CNOT3: variants seen among roughly 807,000 people sequenced by gnomAD.
CNOT3 encodes CCR4-associated factor 3.
Under a neutral mutation model 89.4 loss-of-function variants are expected in CNOT3, and 2 were observed. That is an observed-to-expected ratio of 0.02 (90% CI 0.01 to 0.07). CNOT3 has a LOEUF of 0.07. Ranked by LOEUF, CNOT3 falls within the 10% of genes least tolerant of loss-of-function variation. CNOT3 has a pLI of 1.00. For missense variants in CNOT3, 664 were observed against 1,010.2 expected (o/e 0.66, Z 4.65); for synonymous variants, 486 against 402.0 (o/e 1.21, Z -2.50).
At chr19:54,153,527 TCA>T (rs2075258287) in intron 16 of CNOT3, 186 bp from the exon 17 acceptor site, 2 of 778,730 alleles carry the variant, frequency 2.6e-6, no homozygotes, top group African/African-American at 3.4e-5. Flanking sequence ...ACCTCCTGTC[TCA>T]TTTTCCTTCT....
chr19:54,151,115 G>A (rs1282388747), intron 13 of CNOT3, among the ~76,000 whole-genome samples: 2 of 152,128 alleles, frequency 1.3e-5, no homozygotes, highest in African/African-American at 4.8e-5. Flanking sequence ...AGGTGGACAG[G>A]ATATTTATAG....
chr19:54,152,127 C>T (rs587722740), intron 13 of CNOT3, 99 bp from the exon 14 acceptor site: 3 of 1,303,670 alleles, frequency 2.3e-6, no homozygotes, highest in Admixed American at 3.8e-5. Flanking sequence ...CCCTCCACGG[C>T]CCCCAAACAG....
intron 12 of CNOT3, 108 bp from the exon 13 acceptor site, chr19:54,149,452 A>G: frequency 1.6e-6 from 1 of 617,860 alleles, no homozygotes; most frequent in South Asian, 2.6e-5. Context: ...TGCCCCTCTC[A>G]GATCCCATCT....
At position 54,144,377 on chromosome 19, in the gene CNOT3, G is replaced by C; in HGVS notation, c.483+45G>C. 7.0e-7 allele frequency: 1 copy of C among 1,435,364 alleles called. No individual in the cohort carries two copies. The highest frequency in any genetic ancestry group is 1.2e-5 in the South Asian group (1 of 86,870). 88.9% of individuals were successfully genotyped at this position (1,435,364 alleles called of 1,614,324 possible). ...CACCTTTGGGATGGGGATGGGCATG[G>C]GAATGGGCTGGCCAGCAGGAGGCCA... On this transcript the variant is annotated intron_variant, in intron 7 of 17. Transcript: ENST00000221232. The surrounding 1 kb of genome is among the most constrained non-coding windows in gnomAD (Gnocchi z 4.8).
In CNOT3 at chr19:54,153,172, G is replaced by A. The variant is rs1047575481; in HGVS notation, c.2037+173G>A. The A allele has an allele frequency of 5.4e-5, 41 of 764,448 alleles. 1 individual carries two copies. In the Middle Eastern group the frequency reaches 4.1e-3, roughly 76 times the overall value. The allele number at this position is 764,448 out of a possible 1,614,324, so 47.4% of individuals were successfully genotyped here. A position where few individuals can be genotyped will look rare whatever the true frequency, so the allele number is the denominator to read the frequency against. On this transcript the variant is annotated intron_variant, in intron 16 of 17. Transcript: ENST00000221232. ...CCCAAATCCACCTGTCCCCGTCCCC[G>A]CCTTCCAGCCCAGAGATGTTAGAAC...
chr19:54,149,017 A>G (rs149540038), intron 12 of CNOT3, among the ~76,000 whole-genome samples: 62 of 152,102 alleles, frequency 4.1e-4, no homozygotes, highest in Non-Finnish European at 7.2e-4. Flanking sequence ...TTTCCTCCCC[A>G]TTTCTGTTAC....
At position 54,148,185 on chromosome 19, in the gene CNOT3, A is replaced by G; in HGVS notation, c.932A>G (p.Asn311Ser). The G allele has an allele frequency of 6.4e-7, 1 of 1,566,918 alleles. No individual in the cohort carries two copies. The highest frequency in any genetic ancestry group is 1.2e-5 in the South Asian group (1 of 83,584). ...AKNGSKPVHS[N>S]QHPQSPAVPP... ...AACGGCTCCAAGCCTGTCCACAGCA[A>G]CCAGCACCCTCAGTCCCCAGCTGTG... is the stretch of plus-strand genomic sequence containing the variant. Residue 311 changes from asparagine to serine, a missense_variant, in exon 11 of 18, where the codon AAC becomes AGC. Physicochemically the swap from Asn to Ser is conservative, Grantham distance 46 (BLOSUM62 1). Transcript: ENST00000221232. This position sits in a 1 kb window ranked among gnomAD's most constrained non-coding sequence, Gnocchi z 6.3.
At chr19:54,150,375 G>C (rs1464893847) in intron 13 of CNOT3, among the ~76,000 whole-genome samples, 3 of 152,198 alleles carry the variant, frequency 2.0e-5, no homozygotes, top group African/African-American at 4.8e-5. Flanking sequence ...TGTGTGCTTA[G>C]GAAGCTGGGC....
chr19:54,140,838 G>C (rs1331239530), intron 1 of CNOT3, among the ~76,000 whole-genome samples: 1 of 152,182 alleles, frequency 6.6e-6, no homozygotes, highest in Admixed American at 6.5e-5. Context: ...TCTCCTGTCT[G>C]TGGGTATTCT....
In CNOT3 at chr19:54,145,507, G is replaced by A. The variant is rs1053882319; in HGVS notation, c.484-91G>A. 1.4e-5 allele frequency: 12 copies of A among 870,904 alleles called. No homozygotes were observed. The African/African-American group carries it at 2.0e-4, about 14-fold the overall frequency. 53.9% of individuals were successfully genotyped at this position (870,904 alleles called of 1,614,324 possible). A position where few individuals can be genotyped will look rare whatever the true frequency, so the allele number is the denominator to read the frequency against. ...GCGTGGAGGCTTTGGGTCTCCACAG[G>A]GGTCAGGGACTGAGGACAGGTTCTG... On this transcript the variant is annotated intron_variant, in intron 7 of 17. Coordinates refer to ENST00000221232, the MANE Select transcript of CNOT3 (RefSeq NM_014516.4). This position sits in a 1 kb window ranked among gnomAD's most constrained non-coding sequence, Gnocchi z 5.9.
Position 54,149,596 on chromosome 19 carries a change from G to T in CNOT3, c.1443G>T (p.Gly481=), listed in dbSNP as rs2074938321. 1 of 1,608,292 alleles carries T rather than the reference G, an allele frequency of 6.2e-7. No individual in the cohort carries two copies. The highest frequency in any genetic ancestry group is 1.3e-5 in the African/African-American group (1 of 74,894). ...GTGCGGCAGCCCCAACGGGGGCTGGGGGCGTGGCCCCAGGCTCAGGGAACA... is the reference window on the plus strand; with the variant it reads ...GTGCGGCAGCCCCAACGGGGGCTGGTGGCGTGGCCCCAGGCTCAGGGAACA... The part of the protein sequence containing the change: ...EPSAAAPTGA[G]GVAPGSGNNS... Residue 481 remains glycine, a synonymous_variant, in exon 13 of 18, where the codon GGG becomes GGT. Coordinates refer to ENST00000221232, the MANE Select transcript of CNOT3 (RefSeq NM_014516.4).
In CNOT3 at chr19:54,144,445, G is replaced by C. The variant is rs951443025; in HGVS notation, c.483+113G>C. 1 of 777,532 alleles carries C rather than the reference G, an allele frequency of 1.3e-6. No individual in the cohort carries two copies. The highest frequency in any genetic ancestry group is 2.2e-6 in the Non-Finnish European group (1 of 453,544). 48.2% of individuals were successfully genotyped at this position (777,532 alleles called of 1,614,324 possible). ...GAGTTGGGGCCTGGATTCCTCAGGCGGACAGGGCCAACAGCCGGGATTAGG... is the reference window on the plus strand; with the variant it reads ...GAGTTGGGGCCTGGATTCCTCAGGCCGACAGGGCCAACAGCCGGGATTAGG... On this transcript the variant is annotated intron_variant, in intron 7 of 17. Transcript: ENST00000221232. The surrounding 1 kb of genome is among the most constrained non-coding windows in gnomAD (Gnocchi z 4.8).
In CNOT3 at chr19:54,146,615, T is replaced by C; in HGVS notation, c.852T>C (p.Asp284=). 1 of 1,548,462 alleles carries C rather than the reference T, an allele frequency of 6.5e-7. No homozygotes were observed. ...PANCTTENSE[D]DKKRGRSTDS... ...CCCTACCTCAGGAAAACTCTGAAGA[T>C]GATAAGAAGAGGGGACGTTCCACAG... The change falls in exon 10 of 18, where the codon GAT becomes GAC. Residue 284 remains aspartate (D), a synonymous_variant. Transcript: ENST00000221232.
In CNOT3 at chr19:54,149,725, G is replaced by A. The variant is rs1415193829; in HGVS notation, c.1572G>A (p.Gly524=). ...AGGCAGCCGGTGCCCTGCTCAATGGGCCTCCACAGTTCAGCACCGCCCCAG... is the reference window on the plus strand; with the variant it reads ...AGGCAGCCGGTGCCCTGCTCAATGGACCTCCACAGTTCAGCACCGCCCCAG... ...DAKAAGALLN[G]PPQFSTAPEI... is the part of the protein sequence containing the mutation. The change falls in exon 13 of 18, where the codon GGG becomes GGA. Residue 524 remains glycine (G), a synonymous_variant. Coordinates refer to ENST00000221232, the MANE Select transcript of CNOT3 (RefSeq NM_014516.4). The A allele has an allele frequency of 6.2e-7, 1 of 1,613,470 alleles. No individual in the cohort carries two copies. The highest frequency in any genetic ancestry group is 1.3e-5 in the African/African-American group (1 of 75,020).
At chr19:54,138,601 C>T (rs1463984906) in intron 1 of CNOT3, among the ~76,000 whole-genome samples, 7 of 152,182 alleles carry the variant, frequency 4.6e-5, no homozygotes, top group African/African-American at 1.7e-4. Flanking sequence ...CTCACTGCTC[C>T]CGGGAGCGCA....
At chr19:54,146,477 G>T in intron 9 of CNOT3, 124 bp from the exon 10 acceptor site, 1 of 719,818 alleles carries the variant, frequency 1.4e-6, no homozygotes, top group South Asian at 1.6e-5. Flanking sequence ...ACAGCCATTT[G>T]ACCAGCTCTG....
intron 16 of CNOT3, chr19:54,153,402 T>C: frequency 1.3e-6 from 1 of 768,424 alleles, no homozygotes; most frequent in East Asian, 2.5e-5. Context: ...CAGTGAGTCA[T>C]GAGTGACCTC....
chr19:54,149,477 C>G, intron 12 of CNOT3, 83 bp from the exon 13 acceptor site: 1 of 807,062 alleles, frequency 1.2e-6, no homozygotes, highest in South Asian at 1.9e-5. Context: ...TGTGCAGTCT[C>G]CCCTCTCTCC....
intron 15 of CNOT3, 81 bp downstream of exon 15, chr19:54,152,707 G>A (rs2075188779): frequency 1.5e-5 from 19 of 1,249,996 alleles, no homozygotes; most frequent in South Asian, 2.5e-5. Flanking sequence ...GAGGCTGTGG[G>A]TAGAGCACCA....
Sources: gnomAD v4.1 joint callset for allele counts (sites outside exome capture counted in the v4.1 genomes callset) on GRCh38, gnomAD v4.1.1 for gene constraint, Gnocchi (gnomAD v3.1) non-coding constraint, MANE v1.5 for transcripts, NCBI Gene and HGNC (gene_info 2026-07-23, HGNC 2026-07-21) for gene names.